The following KDM4B variants were observed in gnomAD, a reference collection of about 807,000 sequenced individuals.
KDM4B encodes lysine-specific demethylase 4B.
Under a neutral mutation model 125.2 loss-of-function variants are expected in KDM4B, and 32 were observed. That is an observed-to-expected ratio of 0.26 (90% CI 0.19 to 0.34). KDM4B has a LOEUF of 0.34. Ranked by LOEUF, KDM4B falls within the 10% of genes least tolerant of loss-of-function variation. KDM4B has a pLI of 1.00. For synonymous variants in KDM4B, 721 were observed against 677.9 expected (o/e 1.06, Z -0.99); for missense variants, 1,190 against 1,577.7 (o/e 0.75, Z 4.16).
At chr19:5,014,289 GT>G (rs2035821635) in intron 1 of KDM4B, among the ~76,000 whole-genome samples, 1 of 152,064 alleles carries the variant, frequency 6.6e-6, no homozygotes, top group East Asian at 1.9e-4. Flanking sequence ...GTTTTGTTTT[GT>G]TTTTGAGACG....
At chr19:5,053,778 G>T (rs1165610305) in intron 6 of KDM4B, among the ~76,000 whole-genome samples, 1 of 152,262 alleles carries the variant, frequency 6.6e-6, no homozygotes, top group East Asian at 1.9e-4. Context: ...CAGGCCAGCT[G>T]CTACGCCTGA....
At chr19:4,985,399 C>T (rs117061354) in intron 1 of KDM4B, among the ~76,000 whole-genome samples, 81 of 152,266 alleles carry the variant, frequency 5.3e-4, no homozygotes, top group Non-Finnish European at 8.7e-4. Context: ...AGTGAGCTTC[C>T]GAGGTCTCTG....
At chr19:5,055,101 C>T (rs1468428203) in intron 6 of KDM4B, among the ~76,000 whole-genome samples, 1 of 152,270 alleles carries the variant, frequency 6.6e-6, no homozygotes, top group Non-Finnish European at 1.5e-5. Context: ...TGATCAGCCT[C>T]CTGCCAACCT....
intron 9 of KDM4B, among the ~76,000 whole-genome samples, chr19:5,090,105 G>A (rs978869742): frequency 6.6e-6 from 1 of 152,172 alleles, no homozygotes; most frequent in Non-Finnish European, 1.5e-5. Flanking sequence ...GCTGGAAAGA[G>A]GACAGAGTGG....
At chr19:4,975,592 A>ATT (rs2034416639) in intron 1 of KDM4B, among the ~76,000 whole-genome samples, 1 of 123,512 alleles carries the variant, frequency 8.1e-6, no homozygotes, top group African/African-American at 3.2e-5. Flanking sequence ...TGAGTGAATG[A>ATT]ATTTTTTTTT....
chr19:5,136,351 G>A (rs534973918), intron 15 of KDM4B, among the ~76,000 whole-genome samples: 1 of 152,230 alleles, frequency 6.6e-6, no homozygotes. Context: ...CCACGCACGG[G>A]GGGGCGGTGG....
rs2038322738 is a variant in KDM4B, at chr19:5,082,277, C to T, written c.781-90C>T. 6 of 1,512,874 alleles carry T rather than the reference C, an allele frequency of 4.0e-6. No homozygotes were observed. In the Admixed American group the frequency reaches 5.5e-5, roughly 14 times the overall value. The allele number at this position is 1,512,874 out of a possible 1,614,324, so 93.7% of individuals were successfully genotyped here. A position where few individuals can be genotyped will look rare whatever the true frequency, so the allele number is the denominator to read the frequency against. On this transcript the variant is annotated intron_variant, in intron 8 of 22. Transcript: ENST00000159111. The surrounding 1 kb of genome is among the most constrained non-coding windows in gnomAD (Gnocchi z 5.4). ...AAACCCCCTTGGCTCATAAGCCAGG[C>T]TCCCTGGCACTTGCTGGGAAGTGCC... is the stretch of plus-strand genomic sequence containing the variant.
At chr19:5,113,628 G>A (rs2039195623) in intron 10 of KDM4B, among the ~76,000 whole-genome samples, 1 of 152,176 alleles carries the variant, frequency 6.6e-6, no homozygotes, top group Non-Finnish European at 1.5e-5. Flanking sequence ...ACACAGGCGG[G>A]ATCCTTCTCT....
chr19:4,992,999 C>G lies in KDM4B; in HGVS notation c.-108-23258C>G, dbSNP rs148139570. On this transcript the variant is annotated intron_variant, in intron 1 of 22. Coordinates refer to ENST00000159111, the MANE Select transcript of KDM4B (RefSeq NM_015015.3). ...TTTATGGACTAACATATGGTTTATC[C>G]TGGAGAATGTTCCATATGTACTGAG... Among the ~76,000 whole-genome samples the G allele has an allele frequency of 1.6e-3, 246 of 152,224 alleles. 3 individuals carry two copies. Among genetic ancestry groups the G allele is most frequent in the African/African-American group, 5.7e-3 (237 of 41,520 alleles).
rs528593757 is a variant in KDM4B, at chr19:5,033,317, G to A, written c.141+286G>A. On this transcript the variant is annotated intron_variant, in intron 3 of 22. Coordinates refer to ENST00000159111, the MANE Select transcript of KDM4B (RefSeq NM_015015.3). Reference sequence around the variant, plus strand: ...CAGCCACACTGCAGTGAAGCCCAGGGGCAGTGGGCCACCAGGTTGTTCTGG... The same window carrying A: ...CAGCCACACTGCAGTGAAGCCCAGGAGCAGTGGGCCACCAGGTTGTTCTGG... Among the ~76,000 whole-genome samples the A allele has an allele frequency of 3.2e-4, 48 of 152,362 alleles. No homozygotes were observed. In the East Asian group the frequency reaches 9.1e-3, roughly 29 times the overall value.
At chr19:4,993,608 T>C (rs2035098673) in intron 1 of KDM4B, among the ~76,000 whole-genome samples, 1 of 152,090 alleles carries the variant, frequency 6.6e-6, no homozygotes. Flanking sequence ...CTCTAGTAAC[T>C]TTTTTGTTTG....
rs534973918 is a variant in KDM4B, at chr19:5,136,351, G to C, written c.2308+790G>C. ...ATGTCTGTCTCTTTCCCACGCACGG[G>C]GGGGCGGTGGCAGGAATTGGACTTT... On this transcript the variant is annotated intron_variant, in intron 15 of 22. Transcript: ENST00000159111. Among the ~76,000 whole-genome samples the C allele has an allele frequency of 2.3e-4, 35 of 152,348 alleles. No homozygotes were observed. In the South Asian group the frequency reaches 5.2e-3, roughly 23 times the overall value.
At chr19:5,018,444 A>G (rs935372529) in intron 2 of KDM4B, among the ~76,000 whole-genome samples, 2 of 152,218 alleles carry the variant, frequency 1.3e-5, no homozygotes, top group Admixed American at 6.5e-5. Context: ...GTAAGGGAGC[A>G]GGGCTCCTGC....
chr19:5,089,508 G>A (rs761709755), intron 9 of KDM4B, among the ~76,000 whole-genome samples: 1 of 152,112 alleles, frequency 6.6e-6, no homozygotes, highest in Non-Finnish European at 1.5e-5. Flanking sequence ...AGATGAGCGC[G>A]ACAACTTTAA....
intron 11 of KDM4B, among the ~76,000 whole-genome samples, chr19:5,130,515 C>T (rs796875150): frequency 7.9e-5 from 12 of 152,324 alleles, no homozygotes; most frequent in African/African-American, 1.7e-4. Context: ...CTTCCTGGTT[C>T]GCTCATGTGA....
At chr19:4,987,476 G>C (rs2034878360) in intron 1 of KDM4B, among the ~76,000 whole-genome samples, 1 of 152,110 alleles carries the variant, frequency 6.6e-6, no homozygotes, top group Admixed American at 6.5e-5. Context: ...CATCTTCCCG[G>C]CCGGAGGGGG....
In KDM4B at chr19:5,119,839, C is replaced by T. The variant is rs1168632278; in HGVS notation, c.1302C>T (p.Ala434=). The T allele has an allele frequency of 5.2e-6, 8 of 1,545,824 alleles. No homozygotes were observed. The highest frequency in any genetic ancestry group is 2.0e-5 in the Admixed American group (1 of 50,506). Residue 434 remains alanine (A), a synonymous_variant, in exon 11 of 23, where the codon GCC becomes GCT. Coordinates refer to ENST00000159111, the MANE Select transcript of KDM4B (RefSeq NM_015015.3). ...AGCCACTGCCACACGGCCGGGAGGC[C>T]GAGGGCGCAGAAGGTCAGTCCCTGC... The part of the protein sequence containing the change: ...EPQPLPHGRE[A]EGAEEDGRGK...
At chr19:4,977,990 C>T (rs2034506842) in intron 1 of KDM4B, among the ~76,000 whole-genome samples, 1 of 152,232 alleles carries the variant, frequency 6.6e-6, no homozygotes, top group Non-Finnish European at 1.5e-5. Flanking sequence ...AAAATCCCAT[C>T]TGTCAGACAG....
intron 6 of KDM4B, among the ~76,000 whole-genome samples, chr19:5,070,097 T>G (rs2145818522): frequency 1.3e-5 from 2 of 152,268 alleles, no homozygotes; most frequent in South Asian, 4.1e-4. Flanking sequence ...CTTGTTACTC[T>G]AGAGTTGGGG....
Sources: gnomAD v4.1 joint callset for allele counts (sites outside exome capture counted in the v4.1 genomes callset) on GRCh38, gnomAD v4.1.1 for gene constraint, Gnocchi (gnomAD v3.1) non-coding constraint, MANE v1.5 for transcripts, NCBI Gene and HGNC (gene_info 2026-07-23, HGNC 2026-07-21) for gene names.